EYS: variants seen among roughly 807,000 people sequenced by gnomAD.
The protein encoded by EYS is EGF-like photoreceptor maintenance factor.
In EYS, 250 loss-of-function variants were observed where a neutral mutation model predicts 282.1. The observed-to-expected ratio is 0.89, with a 90% CI of 0.80 to 0.98. The LOEUF (loss-of-function observed/expected upper bound fraction) is 0.98. EYS is among the 50% of genes least tolerant of loss of function. EYS has a pLI of 0.00. For synonymous variants in EYS, 1,355 were observed against 1,282.9 expected, an observed-to-expected ratio of 1.06 and a Z score of -1.20; for missense variants, 4,016 against 3,709.0, an observed-to-expected ratio of 1.08 and a Z score of -2.15.
At chr6:65,513,490 A>C (rs536489743) in intron 2 of EYS, among the ~76,000 whole-genome samples, 1 of 152,224 alleles carries the variant, frequency 6.6e-6, no homozygotes, top group Non-Finnish European at 1.5e-5. Flanking sequence ...ACAACCAAAA[A>C]AGAGAATTTT....
chr6:64,198,808 G>C (rs185607746), intron 31 of EYS, among the ~76,000 whole-genome samples: 1 of 152,150 alleles, frequency 6.6e-6, no homozygotes, highest in Non-Finnish European at 1.5e-5. Flanking sequence ...TGTCTTTATA[G>C]TAGAATGATT....
intron 21 of EYS, 59 bp downstream of exon 21, chr6:64,821,586 T>A: frequency 1.1e-6 from 1 of 891,806 alleles, no homozygotes; most frequent in Admixed American, 2.6e-5. Context: ...GCAAGCAATT[T>A]GATTTTTCTT....
At chr6:64,064,209 C>T (rs1481659925) in intron 33 of EYS, among the ~76,000 whole-genome samples, 1 of 152,008 alleles carries the variant, frequency 6.6e-6, no homozygotes, top group Non-Finnish European at 1.5e-5. Flanking sequence ...CTCACTAAAC[C>T]ATATACACAT....
intron 28 of EYS, among the ~76,000 whole-genome samples, chr6:64,390,551 G>T (rs1365142336): frequency 6.6e-6 from 1 of 150,436 alleles, no homozygotes; most frequent in Non-Finnish European, 1.5e-5. Context: ...CAACAGACCT[G>T]CAGCTGAGGG....
intron 2 of EYS, among the ~76,000 whole-genome samples, chr6:65,555,402 C>A (rs962999325): frequency 6.6e-6 from 1 of 152,020 alleles, no homozygotes; most frequent in African/African-American, 2.4e-5. Flanking sequence ...CATATGACTG[C>A]TTAAATGATC....
chr6:65,555,144 A>G (rs1768749370), intron 2 of EYS, among the ~76,000 whole-genome samples: 1 of 152,180 alleles, frequency 6.6e-6, no homozygotes, highest in African/African-American at 2.4e-5. Flanking sequence ...ACTATCAATC[A>G]AAAGTAATAA....
At chr6:64,515,190 T>C (rs1380021560) in intron 26 of EYS, among the ~76,000 whole-genome samples, 2 of 151,828 alleles carry the variant, frequency 1.3e-5, no homozygotes, top group South Asian at 4.1e-4. Context: ...TGTAATAATA[T>C]AGGCAAAATA....
chr6:65,270,529 T>C (rs900313545), intron 12 of EYS, among the ~76,000 whole-genome samples: 3 of 151,928 alleles, frequency 2.0e-5, no homozygotes, highest in Non-Finnish European at 4.4e-5. Flanking sequence ...CACTTTCTCA[T>C]TTTTTTTGTG....
At chr6:65,651,426 T>C (rs1393504661) in intron 1 of EYS, among the ~76,000 whole-genome samples, 1 of 152,082 alleles carries the variant, frequency 6.6e-6, no homozygotes, top group African/African-American at 2.4e-5. Context: ...AATTCAATAG[T>C]GTTTCTGTAC....
intron 26 of EYS, among the ~76,000 whole-genome samples, chr6:64,546,152 T>C (rs1473141793): frequency 6.6e-6 from 1 of 152,098 alleles, no homozygotes; most frequent in Non-Finnish European, 1.5e-5. Flanking sequence ...CAAAACAGCA[T>C]GGTACTGGTA....
chr6:64,838,278 A>T (rs1765449715), intron 19 of EYS, among the ~76,000 whole-genome samples: 1 of 151,920 alleles, frequency 6.6e-6, no homozygotes. Flanking sequence ...ATGAGCCTAA[A>T]GATTGAGAAC....
At chr6:63,922,298 C>T (rs1315366350) in intron 35 of EYS, among the ~76,000 whole-genome samples, 2 of 152,214 alleles carry the variant, frequency 1.3e-5, no homozygotes, top group African/African-American at 2.4e-5. Flanking sequence ...TACAGTGGCT[C>T]ACGCCTGTAA....
chr6:65,540,622 A>G (rs1165986573), intron 2 of EYS, among the ~76,000 whole-genome samples: 1 of 152,166 alleles, frequency 6.6e-6, no homozygotes, highest in African/African-American at 2.4e-5. Flanking sequence ...ATTCTTTTAA[A>G]ACTTAGAGAA....
At chr6:65,685,447 A>C (rs911398139) in intron 1 of EYS, among the ~76,000 whole-genome samples, 2 of 152,062 alleles carry the variant, frequency 1.3e-5, no homozygotes, top group Admixed American at 1.3e-4. Context: ...TACCATAATA[A>C]AATTTTTCTT....
chr6:63,934,445 C>A (rs902832680), intron 35 of EYS, among the ~76,000 whole-genome samples: 1 of 151,952 alleles, frequency 6.6e-6, no homozygotes, highest in Non-Finnish European at 1.5e-5. Flanking sequence ...AAGACACATG[C>A]GCACGTATGT....
chr6:65,069,621 C>A (rs370784462), intron 12 of EYS, among the ~76,000 whole-genome samples: 79 of 151,982 alleles, frequency 5.2e-4, no homozygotes, highest in African/African-American at 1.9e-3. Flanking sequence ...TTTTTCTACT[C>A]GTATCTTAAT....
At chr6:64,546,102 C>T (rs61087468) in intron 26 of EYS, among the ~76,000 whole-genome samples, 2,145 of 152,244 alleles carry the variant, frequency 0.014, 60 homozygotes, top group East Asian at 0.11. Context: ...GGAGGCATCA[C>T]GCTACCTGAC....
At chr6:64,058,732 T>C (rs1346502317) in intron 33 of EYS, among the ~76,000 whole-genome samples, 1 of 152,206 alleles carries the variant, frequency 6.6e-6, no homozygotes, top group Non-Finnish European at 1.5e-5. Flanking sequence ...TCACCTTACT[T>C]TCTTATAACT....
chr6:65,173,925 T>G (rs1285347412), intron 12 of EYS, among the ~76,000 whole-genome samples: 2 of 151,318 alleles, frequency 1.3e-5, no homozygotes, highest in African/African-American at 4.8e-5. Context: ...TAAAATTTCA[T>G]ACATAGCCTT....
Sources: gnomAD v4.1 joint callset for allele counts (sites outside exome capture counted in the v4.1 genomes callset) on GRCh38, gnomAD v4.1.1 for gene constraint, MANE v1.5 for transcripts, NCBI Gene and HGNC (gene_info 2026-07-23, HGNC 2026-07-21) for gene names.